Variants in EFNA5 observed in about 807,000 individuals in gnomAD.
EFNA5 encodes ephrin A5, also known as ephrin-A5.
In EFNA5, 5 loss-of-function variants were observed where a neutral mutation model predicts 22.9. The observed-to-expected ratio is 0.22, with a 90% CI of 0.11 to 0.46. The LOEUF (loss-of-function observed/expected upper bound fraction) is 0.46. Ranked by LOEUF, EFNA5 falls within the 20% of genes least tolerant of loss-of-function variation. The pLI is 0.99. For synonymous variants in EFNA5, 113 were observed against 112.2 expected (o/e 1.01, Z -0.04); for missense variants, 237 against 293.3 (o/e 0.81, Z 1.40).
intron 1 of EFNA5, among the ~76,000 whole-genome samples, chr5:107,497,394 T>C (rs1387489627): frequency 1.3e-5 from 2 of 152,180 alleles, no homozygotes; most frequent in South Asian, 2.1e-4. Flanking sequence ...CGGAGCCTTA[T>C]ATGGAGAAAT....
At chr5:107,535,248 CTGTT>C (rs975168795) in intron 1 of EFNA5, among the ~76,000 whole-genome samples, 2 of 152,256 alleles carry the variant, frequency 1.3e-5, no homozygotes, top group Admixed American at 6.5e-5. Flanking sequence ...TGAACAATGA[CTGTT>C]TGTAGATTTG....
In EFNA5 at chr5:107,484,320, C is replaced by T. The variant is rs190469349; in HGVS notation, c.126-56811G>A. ...CGCCTGGTTCTCCAAGCCGCTGTTC[C>T]CACTACTAATAGAGTCAGCATAAGA... On this transcript the variant is annotated intron_variant, in intron 1 of 4. Transcript: ENST00000333274. Among the ~76,000 whole-genome samples the T allele has an allele frequency of 5.5e-3, 840 of 152,242 alleles. 8 individuals are homozygous for T. Among genetic ancestry groups the T allele is most frequent in the African/African-American group, 0.017 (724 of 41,562 alleles).
At chr5:107,652,013 G>T (rs967457073) in intron 1 of EFNA5, among the ~76,000 whole-genome samples, 3 of 152,124 alleles carry the variant, frequency 2.0e-5, no homozygotes, top group Non-Finnish European at 4.4e-5. Context: ...GTATGTGTGG[G>T]AGTAGGAAGT....
intron 1 of EFNA5, among the ~76,000 whole-genome samples, chr5:107,565,328 G>A (rs1411561971): frequency 6.6e-6 from 1 of 152,080 alleles, no homozygotes; most frequent in Non-Finnish European, 1.5e-5. Flanking sequence ...TAAATGCCAA[G>A]TTTTCATTTT....
intron 1 of EFNA5, among the ~76,000 whole-genome samples, chr5:107,514,466 TC>T (rs1747435606): frequency 6.6e-6 from 1 of 152,114 alleles, no homozygotes; most frequent in Non-Finnish European, 1.5e-5. Flanking sequence ...GAACACATCA[TC>T]CCACCTGGAA....
chr5:107,512,923 GAAGTCTCCAAGT>G (rs1423265648), intron 1 of EFNA5, among the ~76,000 whole-genome samples: 8 of 152,348 alleles, frequency 5.3e-5, no homozygotes, highest in African/African-American at 1.9e-4. Flanking sequence ...CCTTGGTGAA[GAAGTCTCCAAGT>G]GAGCTAGTCT....
At chr5:107,452,813 C>A (rs1340287199) in intron 1 of EFNA5, among the ~76,000 whole-genome samples, 2 of 152,164 alleles carry the variant, frequency 1.3e-5, no homozygotes, top group Non-Finnish European at 2.9e-5. Context: ...TCTACTTGAG[C>A]TTCTGGTTAT....
chr5:107,463,463 C>T (rs955989975), intron 1 of EFNA5, among the ~76,000 whole-genome samples: 3 of 151,972 alleles, frequency 2.0e-5, no homozygotes, highest in South Asian at 2.1e-4. Flanking sequence ...ACTACTACAC[C>T]TGATATTTTC....
intron 2 of EFNA5, among the ~76,000 whole-genome samples, chr5:107,410,409 C>T (rs1193727648): frequency 6.6e-6 from 1 of 152,058 alleles, no homozygotes; most frequent in African/African-American, 2.4e-5. Flanking sequence ...TTGCACTGAC[C>T]AGATAGAAAG....
At chr5:107,422,807 G>A (rs1162597649) in intron 2 of EFNA5, among the ~76,000 whole-genome samples, 2 of 152,196 alleles carry the variant, frequency 1.3e-5, no homozygotes, top group Non-Finnish European at 2.9e-5. Flanking sequence ...GAGGCTGTGA[G>A]GCACTGCTCT....
intron 1 of EFNA5, among the ~76,000 whole-genome samples, chr5:107,626,208 C>A (rs1223509889): frequency 6.6e-6 from 1 of 152,134 alleles, no homozygotes; most frequent in Non-Finnish European, 1.5e-5. Context: ...AATGCAGAAC[C>A]ACCATTTGAA....
intron 1 of EFNA5, among the ~76,000 whole-genome samples, chr5:107,465,063 CTT>C (rs11317668): frequency 0.095 from 14,047 of 147,328 alleles, 1,935 homozygotes; most frequent in African/African-American, 0.31. Flanking sequence ...CTGTGTGAGG[CTT>C]TTTTTTTTTT....
At position 107,427,522 on chromosome 5, in the gene EFNA5, G is replaced by GA. The variant is rs200830072; in HGVS notation, c.126-14dup. 5.0e-4 allele frequency: 759 copies of GA among 1,527,214 alleles called. No individual in the cohort carries two copies. The highest frequency in any genetic ancestry group is 1.2e-3 in the Admixed American group (55 of 46,822). The allele number at this position is 1,527,214 out of a possible 1,614,324, so 94.6% of individuals were successfully genotyped here. On this transcript the variant is annotated splice_polypyrimidine_tract_variant and intron_variant, in intron 1 of 4. Coordinates refer to ENST00000333274, the MANE Select transcript of EFNA5 (RefSeq NM_001962.3). ...ACCCCTCTGGAATCTGTTAGAAAAA[G>GA]AAAAAAAAATGTGATAATTCATAGA...
At chr5:107,459,984 G>A (rs576936916) in intron 1 of EFNA5, among the ~76,000 whole-genome samples, 1 of 152,224 alleles carries the variant, frequency 6.6e-6, no homozygotes, top group Admixed American at 6.5e-5. Flanking sequence ...TTAGCCTTAG[G>A]AACTGTTTAA....
At chr5:107,578,388 T>C (rs573984149) in intron 1 of EFNA5, among the ~76,000 whole-genome samples, 1 of 152,172 alleles carries the variant, frequency 6.6e-6, no homozygotes, top group East Asian at 1.9e-4. Flanking sequence ...ATTTCAGGGG[T>C]GGTTTCGGGC....
chr5:107,577,297 C>T (rs1392142060), intron 1 of EFNA5, among the ~76,000 whole-genome samples: 1 of 151,968 alleles, frequency 6.6e-6, no homozygotes, highest in African/African-American at 2.4e-5. Context: ...GGGAAATTTG[C>T]CATTCCCAGA....
intron 1 of EFNA5, among the ~76,000 whole-genome samples, chr5:107,652,343 G>C (rs901136271): frequency 6.6e-6 from 1 of 152,120 alleles, no homozygotes; most frequent in African/African-American, 2.4e-5. Context: ...CATTGTTCAA[G>C]GTCTAGACTA....
At chr5:107,457,042 G>C (rs1749714219) in intron 1 of EFNA5, among the ~76,000 whole-genome samples, 1 of 152,062 alleles carries the variant, frequency 6.6e-6, no homozygotes, top group African/African-American at 2.4e-5. Context: ...CTTTGCCCAA[G>C]ATTAGCTGGG....
Position 107,670,480 on chromosome 5 carries a change from T to C in EFNA5, c.125+9A>G, listed in dbSNP as rs1751170075. The C allele has an allele frequency of 1.3e-6, 2 of 1,558,078 alleles. No individual in the cohort carries two copies. The highest frequency in any genetic ancestry group is 1.7e-4 in the Middle Eastern group (1 of 5,998). On this transcript the variant is annotated intron_variant, in intron 1 of 4. Coordinates refer to ENST00000333274, the MANE Select transcript of EFNA5 (RefSeq NM_001962.3). ...GGTAGCCCTGGCTCTCCGCCTGTTATCGGCTTACCTGGGGTTGCTGCTGTT... is the reference window on the plus strand; with the variant it reads ...GGTAGCCCTGGCTCTCCGCCTGTTACCGGCTTACCTGGGGTTGCTGCTGTT...
Sources: allele counts gnomAD v4.1 joint callset (sites outside exome capture counted in the v4.1 genomes callset), GRCh38; gene constraint gnomAD v4.1.1; transcripts MANE v1.5; gene names NCBI Gene and HGNC (gene_info 2026-07-23, HGNC 2026-07-21).